TANC2: variants seen among roughly 807,000 people sequenced by gnomAD.
The protein encoded by TANC2 is tetratricopeptide repeat, ankyrin repeat and coiled-coil containing 2.
Under a neutral mutation model 210.5 loss-of-function variants are expected in TANC2, and 26 were observed. The observed-to-expected ratio is 0.12, with a 90% CI of 0.09 to 0.17. TANC2 has a LOEUF of 0.17. TANC2 is among the 10% of genes least tolerant of loss of function. The probability of loss-of-function intolerance (pLI) is 1.00; values close to 1 mark genes in which losing one functional copy is unlikely to be tolerated. For missense variants in TANC2, 2,129 were observed against 2,608.9 expected (o/e 0.82, Z 4.01); for synonymous variants, 931 against 967.1 (o/e 0.96, Z 0.69).
intron 5 of TANC2, among the ~76,000 whole-genome samples, chr17:63,176,991 C>T (rs559784399): frequency 1.3e-5 from 2 of 151,702 alleles, no homozygotes; most frequent in Admixed American, 6.6e-5. Context: ...CGGCTGGGCA[C>T]GGTGGCTCAC....
Position 63,420,293 on chromosome 17 carries a change from C to A in TANC2, c.4563C>A (p.Leu1521=). Reference sequence around the variant, plus strand: ...CAGAGGCCCGGCCCAGCCAGGGGCTCCCGGTCATCCAGAGCCCACCCTCCT... The same window carrying A: ...CAGAGGCCCGGCCCAGCCAGGGGCTACCGGTCATCCAGAGCCCACCCTCCT... Residue 1521 remains leucine (L), a synonymous_variant, in exon 28 of 28, where the codon CTC becomes CTA. Coordinates refer to ENST00000689528, the Ensembl canonical transcript of TANC2. This position sits in a 1 kb window ranked among gnomAD's most constrained non-coding sequence, Gnocchi z 4.2. The A allele has an allele frequency of 6.2e-7, 1 of 1,613,900 alleles. No individual in the cohort carries two copies. Among genetic ancestry groups the A allele is most frequent in the Non-Finnish European group, 8.5e-7 (1 of 1,179,866 alleles).
At chr17:63,266,768 AG>A (rs1287726165) in intron 8 of TANC2, among the ~76,000 whole-genome samples, 1 of 152,162 alleles carries the variant, frequency 6.6e-6, no homozygotes, top group Non-Finnish European at 1.5e-5. Context: ...AGATAATCTT[AG>A]GGGTTTTTTT....
intron 2 of TANC2, among the ~76,000 whole-genome samples, chr17:63,062,442 A>T (rs1192450800): frequency 6.6e-6 from 1 of 152,154 alleles, no homozygotes; most frequent in East Asian, 1.9e-4. Flanking sequence ...GTAGCTTGGC[A>T]CATCAGTTTC....
intron 9 of TANC2, among the ~76,000 whole-genome samples, chr17:63,272,536 T>C (rs1009017185): frequency 3.3e-5 from 5 of 152,184 alleles, no homozygotes; most frequent in African/African-American, 1.2e-4. Flanking sequence ...ATCTTACCAA[T>C]TACTTTTGGC....
At chr17:63,243,859 G>T (rs531554443) in intron 8 of TANC2, among the ~76,000 whole-genome samples, 1 of 152,300 alleles carries the variant, frequency 6.6e-6, no homozygotes, top group East Asian at 1.9e-4. Context: ...TGTAAGTGAT[G>T]ATACCAGCCA....
At chr17:63,108,871 A>T (rs1038162197) in intron 4 of TANC2, among the ~76,000 whole-genome samples, 1 of 151,576 alleles carries the variant, frequency 6.6e-6, no homozygotes, top group Middle Eastern at 3.4e-3. Flanking sequence ...ATAGTTGGCC[A>T]TAAAGAAATC....
chr17:63,056,199 C>T (rs1014204814), intron 2 of TANC2, among the ~76,000 whole-genome samples: 1 of 131,070 alleles, frequency 7.6e-6, no homozygotes, highest in Non-Finnish European at 1.6e-5. Context: ...AAAGTTTCTA[C>T]ACCATCTTGG....
rs886539303 is a variant in TANC2, at chr17:63,351,502, A to G, written c.1974+86A>G. On this transcript the variant is annotated intron_variant, in intron 13 of 27. Coordinates refer to ENST00000689528, the Ensembl canonical transcript of TANC2. The stretch of plus-strand genomic sequence containing the variant: ...AAAGTTCTAGGTCCTAGTTTCATAA[A>G]CTTCTACTATGTCCTAGAGCATTAT... 1.7e-5 allele frequency: 19 copies of G among 1,098,592 alleles called. No individual in the cohort carries two copies. In the East Asian group the frequency reaches 5.0e-4, roughly 29 times the overall value. The allele number at this position is 1,098,592 out of a possible 1,614,324, so 68.1% of individuals were successfully genotyped here.
intron 3 of TANC2, among the ~76,000 whole-genome samples, chr17:63,079,856 C>T (rs1382392854): frequency 6.6e-6 from 1 of 152,146 alleles, no homozygotes; most frequent in Non-Finnish European, 1.5e-5. Flanking sequence ...TTGACTCAAA[C>T]ATGCTCATAC....
intron 1 of TANC2, among the ~76,000 whole-genome samples, chr17:62,981,455 CTAT>C (rs1175509485): frequency 6.6e-6 from 1 of 152,112 alleles, no homozygotes; most frequent in Non-Finnish European, 1.5e-5. Flanking sequence ...ACCACTAGAC[CTAT>C]TATTCCCCAT....
intron 7 of TANC2, among the ~76,000 whole-genome samples, chr17:63,219,273 C>G (rs924340245): frequency 1.3e-5 from 2 of 151,476 alleles, no homozygotes; most frequent in African/African-American, 4.9e-5. Flanking sequence ...AGAATGATTT[C>G]TATATTTTTA....
intron 7 of TANC2, among the ~76,000 whole-genome samples, chr17:63,232,958 T>C (rs1433262663): frequency 6.6e-6 from 1 of 152,222 alleles, no homozygotes; most frequent in African/African-American, 2.4e-5. Context: ...CTGGAGTTAC[T>C]GAAATTCCCA....
intron 7 of TANC2, among the ~76,000 whole-genome samples, chr17:63,226,690 A>G (rs1662386058): frequency 2.0e-5 from 3 of 152,274 alleles, no homozygotes; most frequent in African/African-American, 4.8e-5. Context: ...TGCTCCACCT[A>G]TCAACCCGTC....
At position 63,388,774 on chromosome 17, in the gene TANC2, A is replaced by G. The variant is rs780266220; in HGVS notation, c.2814+17A>G. 7 of 1,485,334 alleles carry G rather than the reference A, an allele frequency of 4.7e-6. No homozygotes were observed. In the East Asian group the frequency reaches 1.5e-4, roughly 32 times the overall value. 92.0% of individuals were successfully genotyped at this position (1,485,334 alleles called of 1,614,324 possible). The stretch of plus-strand genomic sequence containing the variant: ...AATATAAAGGTAAATTTATAAAGAA[A>G]TTATAAATATGATAAGGAATTAACT... On this transcript the variant is annotated intron_variant, in intron 16 of 27. Coordinates refer to ENST00000689528, the Ensembl canonical transcript of TANC2.
In TANC2 at chr17:63,322,209, C is replaced by T. The variant is rs143357778; in HGVS notation, c.1575+3119C>T. Among the ~76,000 whole-genome samples, 358 of 152,210 alleles carry T rather than the reference C, an allele frequency of 2.4e-3. 2 individuals carry two copies. The highest frequency in any genetic ancestry group is 8.2e-3 in the African/African-American group (342 of 41,562). ...TAAATATCTCCTGTGTAAACGGTCT[C>T]TATCCTCTTCTTTAGAACAGTTAGA... On this transcript the variant is annotated intron_variant, in intron 11 of 27. Coordinates refer to ENST00000689528, the Ensembl canonical transcript of TANC2.
chr17:63,165,018 A>T (rs2040164294), intron 5 of TANC2, among the ~76,000 whole-genome samples: 1 of 152,170 alleles, frequency 6.6e-6, no homozygotes, highest in African/African-American at 2.4e-5. Context: ...GCAATGGCTC[A>T]CACCTGTAAT....
rs149554275 is a variant in TANC2 at position 63,329,430 on chromosome 17, G to GT, written c.1575+10346dup. On this transcript the variant is annotated intron_variant, in intron 11 of 27. Coordinates refer to ENST00000689528, the Ensembl canonical transcript of TANC2. Reference sequence around the variant, plus strand: ...AAACTAAATCAATACTGAGATACCAGTTTTTTACCTATCAACTAGCAAAAA... The same window carrying GT: ...AAACTAAATCAATACTGAGATACCAGTTTTTTTACCTATCAACTAGCAAAAA... 7.5e-3 allele frequency among the ~76,000 whole-genome samples: 1,148 copies of GT among 152,118 alleles called. 15 individuals carry two copies. The highest frequency in any genetic ancestry group is 0.025 in the African/African-American group (1,046 of 41,496).
At chr17:63,126,114 A>G (rs764541183) in intron 4 of TANC2, among the ~76,000 whole-genome samples, 1 of 152,214 alleles carries the variant, frequency 6.6e-6, no homozygotes, top group Non-Finnish European at 1.5e-5. Flanking sequence ...ATAAGTGCTC[A>G]ATTATTGCTG....
intron 5 of TANC2, among the ~76,000 whole-genome samples, chr17:63,158,606 A>C (rs2039920113): frequency 6.6e-6 from 1 of 152,218 alleles, no homozygotes; most frequent in Admixed American, 6.5e-5. Flanking sequence ...TCTAGAATTT[A>C]TAAATTATCA....
Sources: gnomAD v4.1 joint callset for allele counts (sites outside exome capture counted in the v4.1 genomes callset) on GRCh38, gnomAD v4.1.1 for gene constraint, Gnocchi (gnomAD v3.1) non-coding constraint, MANE v1.5 for transcripts, NCBI Gene and HGNC (gene_info 2026-07-23, HGNC 2026-07-21) for gene names.